Variants in NCF2 observed in about 807,000 individuals in gnomAD.
NCF2 encodes the protein neutrophil cytosolic factor 2.
In NCF2, 45 loss-of-function variants were observed where a neutral mutation model predicts 70.9. That is an observed-to-expected ratio of 0.63 (90% CI 0.50 to 0.81). NCF2 has a LOEUF of 0.81. Among genes scored for constraint, NCF2 ranks in the 40% least tolerant of loss-of-function variants. NCF2 has a pLI of 0.00. For synonymous variants in NCF2, 203 were observed against 233.6 expected (o/e 0.87, Z 1.19); for missense variants, 522 against 631.6 (o/e 0.83, Z 1.86).
At chr1:183,583,574 C>G (rs1275502645) in intron 2 of NCF2, among the ~76,000 whole-genome samples, 1 of 152,190 alleles carries the variant, frequency 6.6e-6, no homozygotes, top group Non-Finnish European at 1.5e-5. Context: ...TGAGTAACTA[C>G]TATGCTAGAT....
upstream of NCF2, among the ~76,000 whole-genome samples, chr1:183,591,531 G>GGA (rs1456094310): frequency 1.6e-4 from 24 of 147,394 alleles, no homozygotes; most frequent in Admixed American, 1.6e-3. Context: ...TGCCCAGGCT[G>GGA]GAATGCAGTG....
chr1:183,558,970 G>A (rs377710686), intron 14 of NCF2, among the ~76,000 whole-genome samples: 12 of 152,342 alleles, frequency 7.9e-5, no homozygotes, highest in South Asian at 2.1e-4. Context: ...CAGACTCAGC[G>A]TATGAGCAGG....
intron 3 of NCF2, among the ~76,000 whole-genome samples, chr1:183,576,377 C>T (rs1281707755): frequency 6.6e-6 from 1 of 152,162 alleles, no homozygotes; most frequent in Non-Finnish European, 1.5e-5. Context: ...CCACTTGTCC[C>T]CCAACTTTCT....
chr1:183,581,605 A>T (rs1164008272), intron 2 of NCF2, among the ~76,000 whole-genome samples: 3 of 151,900 alleles, frequency 2.0e-5, no homozygotes, highest in East Asian at 1.9e-4. Flanking sequence ...CAAAGACTGC[A>T]ACTGTGAGCC....
At position 183,560,345 on chromosome 1, in the gene NCF2, C is replaced by T. The variant is rs113168768; in HGVS notation, c.1291-72G>A. Reference sequence around the variant, plus strand: ...GAACACTGAACATCACTAAAGGAAACAGCGAAATGTCAAAGTAGAACCTGG... The same window carrying T: ...GAACACTGAACATCACTAAAGGAAATAGCGAAATGTCAAAGTAGAACCTGG... On this transcript the variant is annotated intron_variant, in intron 13 of 14. Coordinates refer to ENST00000367535, the MANE Select transcript of NCF2 (RefSeq NM_000433.4). The T allele has an allele frequency of 8.0e-4, 1,225 of 1,534,754 alleles. 9 individuals carry two copies. The African/African-American group carries it at 0.014, about 18-fold the overall frequency.
intron 4 of NCF2, among the ~76,000 whole-genome samples, chr1:183,573,951 A>C (rs1023645795): frequency 1.3e-5 from 2 of 152,190 alleles, no homozygotes; most frequent in Non-Finnish European, 2.9e-5. Flanking sequence ...TTAGCCAGGC[A>C]TGGTGGCATG....
chr1:183,567,408 A>G (rs772674498), intron 7 of NCF2, 63 bp from the exon 8 acceptor site: 7 of 1,606,780 alleles, frequency 4.4e-6, no homozygotes, highest in Non-Finnish European at 5.9e-6. Context: ...GCGCAAATAC[A>G]CTGAACTTGG....
At position 183,569,036 on chromosome 1, in the gene NCF2, C is replaced by A. The variant is rs575870163; in HGVS notation, c.713+106G>T. On this transcript the variant is annotated intron_variant, in intron 7 of 14. Transcript: ENST00000367535. ...AAGCCTGACATTCCAGAAAATTCAACAAGATTTAGACCCTGACCCCACCTT... is the reference window on the plus strand; with the variant it reads ...AAGCCTGACATTCCAGAAAATTCAAAAAGATTTAGACCCTGACCCCACCTT... 63 of 1,099,906 alleles carry A rather than the reference C, an allele frequency of 5.7e-5. 1 individual carries two copies. In the South Asian group the frequency reaches 7.7e-4, roughly 14 times the overall value. The allele number at this position is 1,099,906 out of a possible 1,614,324, so 68.1% of individuals were successfully genotyped here. A position where few individuals can be genotyped will look rare whatever the true frequency, so the allele number is the denominator to read the frequency against.
In NCF2 at chr1:183,573,185, C is replaced by A; in HGVS notation, c.609G>T (p.Thr203=). ...LAKKDYLGKA[T]VVASVVDQDS... ...GGGGAAGCTGAGCAATCCCACCTAC[C>A]GTCGCCTTGCCTAGGTAATCCTTCT... The change falls in exon 5 of 15, where the codon ACG becomes ACT. Residue 203 remains threonine (T), a splice_region_variant and synonymous_variant. Transcript: ENST00000367535. 6.2e-7 allele frequency: 1 copy of A among 1,613,838 alleles called. No individual in the cohort carries two copies.
In NCF2 at chr1:183,563,175, A is replaced by T; in HGVS notation, c.1290+20T>A. On this transcript the variant is annotated intron_variant, in intron 13 of 14. Coordinates refer to ENST00000367535, the MANE Select transcript of NCF2 (RefSeq NM_000433.4). ...TGGCTCAGTGGAAATGTAACTTTAG[A>T]TGCCCCTCATTGCACTCACCACTGT... 1 of 1,606,112 alleles carries T rather than the reference A, an allele frequency of 6.2e-7. No individual in the cohort carries two copies. The highest frequency in any genetic ancestry group is 8.5e-7 in the Non-Finnish European group (1 of 1,172,686).
chr1:183,601,134 G>A, the NCF2 span, among the ~76,000 whole-genome samples: 2 of 152,088 alleles, frequency 1.3e-5, no homozygotes, highest in African/African-American at 4.8e-5. Flanking sequence ...TAGTTTCTTG[G>A]TATTCTTCCC....
chr1:183,569,103 C>T lies in NCF2; in HGVS notation c.713+39G>A, dbSNP rs374145879. 5.5e-5 allele frequency: 88 copies of T among 1,593,994 alleles called. No homozygotes were observed. The South Asian group carries it at 5.6e-4, about 10-fold the overall frequency. ...TTTCTTGCCATCAGCTCAGGCTTGG[C>T]GCTTGGATATTCTATTTATGGATTT... On this transcript the variant is annotated intron_variant, in intron 7 of 14. Transcript: ENST00000367535.
rs1390250405 is a variant in NCF2 at position 183,579,975 on chromosome 1, A to G, written c.258-2268T>C. On this transcript the variant is annotated intron_variant, in intron 2 of 14. Transcript: ENST00000367535. ...CTTAAAGCTCCGTGCCATATAAGCT[A>G]TTATCAGGATATTTTAAAAATACAT... Among the ~76,000 whole-genome samples, 3 of 152,272 alleles carry G rather than the reference A, an allele frequency of 2.0e-5. No individual in the cohort carries two copies. In the East Asian group the frequency reaches 5.8e-4, roughly 29 times the overall value.
chr1:183,599,437 T>TCTTTCTTTCTTTCTTTC, the NCF2 span, among the ~76,000 whole-genome samples: 410 of 96,780 alleles, frequency 4.2e-3, 2 homozygotes, highest in African/African-American at 0.01. Flanking sequence ...TTTCTTTCTT[T>TCTTTCTTTCTTTCTTTC]CTTTCTTTCT....
intron 13 of NCF2, 115 bp downstream of exon 13, chr1:183,563,080 A>G (rs544256646): frequency 2.2e-5 from 21 of 936,544 alleles, no homozygotes; most frequent in Non-Finnish European, 3.4e-5. Flanking sequence ...ATTACACACC[A>G]TATCCCCAAC....
chr1:183,557,835 A>C (rs1295931661), intron 14 of NCF2, among the ~76,000 whole-genome samples: 1 of 151,776 alleles, frequency 6.6e-6, no homozygotes, highest in African/African-American at 2.4e-5. Flanking sequence ...CTGAGTTACC[A>C]TTCTCTCTTG....
At chr1:183,563,858 T>G in intron 11 of NCF2, 147 bp downstream of exon 11, 1 of 947,858 alleles carries the variant, frequency 1.1e-6, no homozygotes, top group East Asian at 2.4e-5. Flanking sequence ...ATTAAGAAGG[T>G]CCCTAGCTCA....
chr1:183,565,019 T>C (rs948255855), intron 10 of NCF2, among the ~76,000 whole-genome samples: 8 of 152,214 alleles, frequency 5.3e-5, no homozygotes, highest in Admixed American at 6.5e-5. Flanking sequence ...TTCTGATGTT[T>C]ATTGTATTCT....
intron 10 of NCF2, among the ~76,000 whole-genome samples, chr1:183,565,411 T>C (rs1347286052): frequency 6.6e-6 from 1 of 152,160 alleles, no homozygotes; most frequent in African/African-American, 2.4e-5. Context: ...TGAGACATCG[T>C]TTCCCTACCT....
Sources: gnomAD v4.1 joint callset for allele counts (sites outside exome capture counted in the v4.1 genomes callset) on GRCh38, gnomAD v4.1.1 for gene constraint, MANE v1.5 for transcripts, NCBI Gene and HGNC (gene_info 2026-07-23, HGNC 2026-07-21) for gene names.